The following STRADA variants were observed in gnomAD, a reference collection of about 807,000 sequenced individuals.
STRADA encodes the protein STE20 related adaptor alpha, also known as STE20-related kinase adapter protein alpha.
STRADA carries 26 observed loss-of-function variants against 55.0 expected under a neutral mutation model. That is an observed-to-expected ratio of 0.47 (90% CI 0.35 to 0.66). STRADA has a LOEUF of 0.66. Among genes scored for constraint, STRADA ranks in the 30% least tolerant of loss-of-function variants. STRADA has a pLI of 0.01. For synonymous variants in STRADA, 197 were observed against 210.9 expected (o/e 0.93, Z 0.57); for missense variants, 443 against 549.7 (o/e 0.81, Z 1.94).
chr17:63,738,340 CAAAA>C (rs561180973), intron 1 of STRADA, among the ~76,000 whole-genome samples: 2 of 76,770 alleles, frequency 2.6e-5, no homozygotes, highest in Non-Finnish European at 5.4e-5. Flanking sequence ...GACTCCGACT[CAAAA>C]AAAAAAAAAA....
rs890319793 is a variant in STRADA, at chr17:63,703,520, G to A, written c.*79C>T. 95 of 1,376,504 alleles carry A rather than the reference G, an allele frequency of 6.9e-5. 1 individual carries two copies. The South Asian group carries it at 1.2e-3, about 17-fold the overall frequency. The allele number at this position is 1,376,504 out of a possible 1,614,324, so 85.3% of individuals were successfully genotyped here. A position where few individuals can be genotyped will look rare whatever the true frequency, so the allele number is the denominator to read the frequency against. On this transcript the variant is annotated 3_prime_UTR_variant, in exon 13 of 13. Coordinates refer to ENST00000336174, the MANE Select transcript of STRADA (RefSeq NM_001003787.4). ...CTACCCAATCTGCCCAGGAGGGCGG[G>A]AATGTGGCCGGCCCTCAGGAAGGGC...
At position 63,710,487 on chromosome 17, in the gene STRADA, G is replaced by A. The variant is rs764367131; in HGVS notation, c.581+4C>T. On this transcript the variant is annotated splice_donor_region_variant and intron_variant, in intron 8 of 12. Transcript: ENST00000336174. Reference sequence around the variant, plus strand: ...ATCATGGGAAAGGCCGCCTAAGAACGCACCTGTGTACATATCCCATGTGGT... The same window carrying A: ...ATCATGGGAAAGGCCGCCTAAGAACACACCTGTGTACATATCCCATGTGGT... The A allele has an allele frequency of 3.2e-5, 51 of 1,613,150 alleles. No homozygotes were observed. Among genetic ancestry groups the A allele is most frequent in the South Asian group, 4.4e-5 (4 of 91,034 alleles).
At chr17:63,730,984 T>C (rs2038001678) in intron 1 of STRADA, among the ~76,000 whole-genome samples, 1 of 151,782 alleles carries the variant, frequency 6.6e-6, no homozygotes, top group South Asian at 2.1e-4. Context: ...TCTCGCTCTG[T>C]TGCCAGGCTG....
intron 4 of STRADA, among the ~76,000 whole-genome samples, chr17:63,718,265 A>C (rs2037038366): frequency 6.6e-6 from 1 of 152,144 alleles, no homozygotes; most frequent in Non-Finnish European, 1.5e-5. Flanking sequence ...GAATCATCTT[A>C]AGATGTTAAG....
intron 1 of STRADA, among the ~76,000 whole-genome samples, chr17:63,739,056 G>C (rs1407295247): frequency 6.7e-6 from 1 of 148,934 alleles, no homozygotes; most frequent in East Asian, 2.0e-4. Flanking sequence ...GGGAGGCTGA[G>C]GCAGGAGAAT....
chr17:63,718,270 G>A (rs868121818), intron 4 of STRADA, among the ~76,000 whole-genome samples: 4 of 152,140 alleles, frequency 2.6e-5, no homozygotes, highest in Non-Finnish European at 2.9e-5. Flanking sequence ...ATCTTAAGAT[G>A]TTAAGATACT....
intron 1 of STRADA, among the ~76,000 whole-genome samples, chr17:63,730,243 G>A (rs1598253379): frequency 6.6e-6 from 1 of 151,810 alleles, no homozygotes; most frequent in Non-Finnish European, 1.5e-5. Flanking sequence ...TTACAAACAC[G>A]CCAACATCTC....
At chr17:63,740,151 C>CATATATATATAT (rs1340895689) in intron 1 of STRADA, among the ~76,000 whole-genome samples, 1 of 79,684 alleles carries the variant, frequency 1.3e-5, no homozygotes, top group Non-Finnish European at 2.4e-5. Context: ...TATATATACA[C>CATATATATATAT]ACACACACAC....
chr17:63,713,575 G>A, intron 5 of STRADA, 48 bp from the exon 6 acceptor site: 1 of 1,583,924 alleles, frequency 6.3e-7, no homozygotes, highest in Middle Eastern at 1.7e-4. Context: ...ACAACAAAAG[G>A]TTTTAAGAAA....
chr17:63,706,882 C>T, intron 9 of STRADA, 143 bp from the exon 10 acceptor site: 1 of 664,544 alleles, frequency 1.5e-6, no homozygotes, highest in Admixed American at 2.8e-5. Context: ...CTACTGAAGA[C>T]TAACTGGTAT....
rs1366646398 is a variant in STRADA at position 63,703,114 on chromosome 17, G to C, written c.*485C>G. 1 of 159,046 alleles carries C rather than the reference G, an allele frequency of 6.3e-6. No homozygotes were observed. The highest frequency in any genetic ancestry group is 1.4e-5 in the Non-Finnish European group (1 of 71,812). The allele number at this position is 159,046 out of a possible 1,614,324, so 9.9% of individuals were successfully genotyped here. A position where few individuals can be genotyped will look rare whatever the true frequency, so the allele number is the denominator to read the frequency against. On this transcript the variant is annotated 3_prime_UTR_variant, in exon 13 of 13. Transcript: ENST00000336174. ...AAAAAGACAGAAATGCCCTTCTCTG[G>C]AATTATGAGGGAGAGGTCTGAGGGA...
chr17:63,704,607 G>T, intron 10 of STRADA, 25 bp from the exon 11 acceptor site: 1 of 1,373,958 alleles, frequency 7.3e-7, no homozygotes, highest in Non-Finnish European at 9.5e-7. Flanking sequence ...ACCAGGACCT[G>T]GGCTGTAGCG....
chr17:63,713,960 C>T (rs2036677492), intron 5 of STRADA, 46 bp downstream of exon 5: 1 of 1,513,528 alleles, frequency 6.6e-7, no homozygotes. Context: ...GCTGCAGCAG[C>T]CCCTGGAGCA....
rs536487799 is a variant in STRADA at position 63,712,815 on chromosome 17, A to G, written c.348+591T>C. Among the ~76,000 whole-genome samples, 163 of 152,188 alleles carry G rather than the reference A, an allele frequency of 1.1e-3. 1 individual carries two copies. The highest frequency in any genetic ancestry group is 3.5e-3 in the African/African-American group (147 of 41,534). ...CAGGAGTTTGAGACCAGCCTGGCCA[A>G]CATGAAGAAACCCCGTCTTTTCTAA... On this transcript the variant is annotated intron_variant, in intron 6 of 12. Coordinates refer to ENST00000336174, the MANE Select transcript of STRADA (RefSeq NM_001003787.4).
rs747492312 is a variant in STRADA at position 63,704,064 on chromosome 17, GGA to G, written c.1101-19_1101-18del. Reference sequence around the variant, plus strand: ...GCACTGGGCCTGGAGGGAAAGGGGAGGAGAGACCGCAGCATCACTGCCGTGTC... The same window carrying G: ...GCACTGGGCCTGGAGGGAAAGGGGAGGAGACCGCAGCATCACTGCCGTGTC... On this transcript the variant is annotated intron_variant, in intron 11 of 12. Transcript: ENST00000336174. 12 of 1,612,114 alleles carry G rather than the reference GGA, an allele frequency of 7.4e-6. No homozygotes were observed. The highest frequency in any genetic ancestry group is 1.0e-5 in the Non-Finnish European group (12 of 1,179,172).
At chr17:63,710,295 C>T in intron 8 of STRADA, 196 bp downstream of exon 8, 2 of 840,250 alleles carry the variant, frequency 2.4e-6, no homozygotes, top group Non-Finnish European at 3.5e-6. Flanking sequence ...CCTTGGCCTC[C>T]CAAGCGCTGT....
At chr17:63,704,130 C>T (rs1054399364) in intron 11 of STRADA, 83 bp from the exon 12 acceptor site, 21 of 1,566,656 alleles carry the variant, frequency 1.3e-5, no homozygotes, top group Admixed American at 5.6e-5. Context: ...GCCTCAGCCT[C>T]GGGTCCCCTC....
Position 63,706,404 on chromosome 17 carries a change from C to T in STRADA, c.858+231G>A, listed in dbSNP as rs1036374849. 16 of 499,806 alleles carry T rather than the reference C, an allele frequency of 3.2e-5. No individual in the cohort carries two copies. In the East Asian group the frequency reaches 5.1e-4, roughly 16 times the overall value. The allele number at this position is 499,806 out of a possible 1,614,324, so 31.0% of individuals were successfully genotyped here. Reference sequence around the variant, plus strand: ...TGTAGCGTGTGGGCCTCCATTTGCACCCCTGCTCCCGGGCTCCCCTCCCCA... The same window carrying T: ...TGTAGCGTGTGGGCCTCCATTTGCATCCCTGCTCCCGGGCTCCCCTCCCCA... On this transcript the variant is annotated intron_variant, in intron 10 of 12. Coordinates refer to ENST00000336174, the MANE Select transcript of STRADA (RefSeq NM_001003787.4).
At chr17:63,731,377 C>T (rs1380575891) in intron 1 of STRADA, among the ~76,000 whole-genome samples, 1 of 151,732 alleles carries the variant, frequency 6.6e-6, no homozygotes, top group Non-Finnish European at 1.5e-5. Context: ...ATTCCCCTGC[C>T]TCAGCCACCC....
Sources: allele counts gnomAD v4.1 joint callset (sites outside exome capture counted in the v4.1 genomes callset), GRCh38; gene constraint gnomAD v4.1.1; transcripts MANE v1.5; gene names NCBI Gene and HGNC (gene_info 2026-07-23, HGNC 2026-07-21).